Variants in MCTP1 observed in about 807,000 individuals in gnomAD.
MCTP1 encodes the protein multiple C2 and transmembrane domain-containing protein 1.
In MCTP1, 69 loss-of-function variants were observed where a neutral mutation model predicts 120.6. That is an observed-to-expected ratio of 0.57 (90% CI 0.47 to 0.70). The LOEUF (loss-of-function observed/expected upper bound fraction) is 0.70. MCTP1 is among the 30% of genes least tolerant of loss of function. MCTP1 has a pLI of 0.00. For missense variants in MCTP1, 1,203 were observed against 1,248.8 expected (o/e 0.96, Z 0.55); for synonymous variants, 529 against 493.1 (o/e 1.07, Z -0.96).
chr5:95,193,848 T>C (rs1277466133), intron 1 of MCTP1, among the ~76,000 whole-genome samples: 1 of 152,170 alleles, frequency 6.6e-6, no homozygotes, highest in Non-Finnish European at 1.5e-5. Context: ...CTTATGTAAT[T>C]CCTACAAGAA....
Position 95,245,907 on chromosome 5 carries a change from A to G in MCTP1, c.720+37949T>C, listed in dbSNP as rs180922635. Reference sequence around the variant, plus strand: ...ATTCACCAAGGTTGAAATGAAGGAAAAAATGTTAAGCGCAGCCAGAGAGAA... The same window carrying G: ...ATTCACCAAGGTTGAAATGAAGGAAGAAATGTTAAGCGCAGCCAGAGAGAA... On this transcript the variant is annotated intron_variant, in intron 1 of 22. Transcript: ENST00000515393. Among the ~76,000 whole-genome samples the G allele has an allele frequency of 3.9e-3, 594 of 152,338 alleles. 4 individuals carry two copies. Among genetic ancestry groups the G allele is most frequent in the African/African-American group, 0.014 (565 of 41,578 alleles).
intron 3 of MCTP1, among the ~76,000 whole-genome samples, chr5:94,947,238 T>C (rs1819174349): frequency 6.6e-6 from 1 of 152,078 alleles, no homozygotes; most frequent in African/African-American, 2.4e-5. Context: ...CATAGGATTT[T>C]TCCCAGCCCC....
intron 1 of MCTP1, among the ~76,000 whole-genome samples, chr5:95,244,356 G>A (rs901318346): frequency 1.3e-5 from 2 of 152,206 alleles, no homozygotes; most frequent in Admixed American, 6.5e-5. Flanking sequence ...CACGGAGGAT[G>A]AGCCAAAGCA....
At chr5:95,004,577 C>T (rs1834317931) in intron 2 of MCTP1, among the ~76,000 whole-genome samples, 1 of 152,196 alleles carries the variant, frequency 6.6e-6, no homozygotes. Flanking sequence ...GGACATGGCA[C>T]CCTGCGTCCT....
intron 1 of MCTP1, among the ~76,000 whole-genome samples, chr5:95,101,502 A>G (rs1248672673): frequency 1.3e-5 from 2 of 152,224 alleles, no homozygotes; most frequent in Non-Finnish European, 2.9e-5. Flanking sequence ...CATCAACCTA[A>G]CGTGGATTCT....
At position 95,019,339 on chromosome 5, in the gene MCTP1, T is replaced by C. The variant is rs144133025; in HGVS notation, c.721-1855A>G. Among the ~76,000 whole-genome samples, 564 of 152,164 alleles carry C rather than the reference T, an allele frequency of 3.7e-3. 4 individuals are homozygous for C. The highest frequency in any genetic ancestry group is 4.6e-3 in the Non-Finnish European group (311 of 67,950). On this transcript the variant is annotated intron_variant, in intron 1 of 22. Transcript: ENST00000515393. ...TACAATTCAGTACTGTTAACCATAG[T>C]CACCACGCTGTGTATTGGATCCCCT... is the stretch of plus-strand genomic sequence containing the variant.
At chr5:94,906,434 C>T (rs1195801388) in intron 10 of MCTP1, among the ~76,000 whole-genome samples, 3 of 151,938 alleles carry the variant, frequency 2.0e-5, no homozygotes, top group Non-Finnish European at 4.4e-5. Flanking sequence ...TGCAGTGAGC[C>T]GAGGTCGCAC....
chr5:94,998,129 T>C (rs1832962589), intron 2 of MCTP1, among the ~76,000 whole-genome samples: 1 of 152,194 alleles, frequency 6.6e-6, no homozygotes, highest in Non-Finnish European at 1.5e-5. Flanking sequence ...GGTGTATTTT[T>C]ATGCTTTGTT....
intron 3 of MCTP1, among the ~76,000 whole-genome samples, chr5:94,943,734 AG>A (rs1402155803): frequency 6.6e-6 from 1 of 152,104 alleles, no homozygotes; most frequent in Non-Finnish European, 1.5e-5. Flanking sequence ...GAGAGAACGA[AG>A]AGAAAGTAAG....
chr5:94,799,797 A>G (rs765850371), intron 17 of MCTP1, among the ~76,000 whole-genome samples: 6 of 152,166 alleles, frequency 3.9e-5, no homozygotes, highest in Non-Finnish European at 8.8e-5. Context: ...AAGTATATAA[A>G]CTTTTTCATT....
chr5:94,729,060 G>C (rs1762641471), intron 19 of MCTP1, among the ~76,000 whole-genome samples: 1 of 152,150 alleles, frequency 6.6e-6, no homozygotes, highest in Admixed American at 6.5e-5. Flanking sequence ...GACCTGAAAT[G>C]GGTACATGGG....
intron 18 of MCTP1, among the ~76,000 whole-genome samples, chr5:94,795,754 A>G (rs947331169): frequency 3.3e-5 from 5 of 152,256 alleles, no homozygotes; most frequent in African/African-American, 1.2e-4. Flanking sequence ...ACTAGGAAAC[A>G]GCAGAGGTGA....
intron 1 of MCTP1, among the ~76,000 whole-genome samples, chr5:95,138,971 T>C (rs1010812895): frequency 1.3e-5 from 2 of 152,180 alleles, no homozygotes; most frequent in Non-Finnish European, 2.9e-5. Flanking sequence ...TATACACACA[T>C]ACACACACAC....
chr5:94,802,053 AAAGACACAG>A (rs1423163186), intron 17 of MCTP1, among the ~76,000 whole-genome samples: 1 of 152,230 alleles, frequency 6.6e-6, no homozygotes, highest in African/African-American at 2.4e-5. Flanking sequence ...TGGATTGGAG[AAAGACACAG>A]AAGACAGAGA....
chr5:95,254,735 T>C lies in MCTP1; in HGVS notation c.720+29121A>G, dbSNP rs561672666. The stretch of plus-strand genomic sequence containing the variant: ...CCAAGTTAATCCTCTCTATGTACTA[T>C]ATAGATATACTAGAGGCAGAAGAGA... On this transcript the variant is annotated intron_variant, in intron 1 of 22. Coordinates refer to ENST00000515393, the MANE Select transcript of MCTP1 (RefSeq NM_024717.7). Among the ~76,000 whole-genome samples the C allele has an allele frequency of 6.8e-4, 103 of 152,196 alleles. 1 individual carries two copies. The highest frequency in any genetic ancestry group is 1.7e-3 in the Admixed American group (26 of 15,256).
At chr5:94,739,211 C>A (rs1253019967) in intron 19 of MCTP1, 1 of 152,176 alleles carries the variant, frequency 6.6e-6, no homozygotes, top group Non-Finnish European at 1.5e-5. Context: ...TATCGATCTT[C>A]AAAATACATC....
chr5:94,910,631 G>C (rs1941721876), intron 9 of MCTP1, among the ~76,000 whole-genome samples: 2 of 152,174 alleles, frequency 1.3e-5, no homozygotes, highest in African/African-American at 4.8e-5. Flanking sequence ...AGCAAAGAGA[G>C]ACACATGTCC....
intron 19 of MCTP1, among the ~76,000 whole-genome samples, chr5:94,755,438 C>T (rs1342202510): frequency 6.6e-6 from 1 of 152,186 alleles, no homozygotes; most frequent in African/African-American, 2.4e-5. Flanking sequence ...CAGAATCAAA[C>T]CAGCTCTCAA....
chr5:95,084,044 T>A lies in MCTP1; in HGVS notation c.721-66560A>T, dbSNP rs558184931. Among the ~76,000 whole-genome samples the A allele has an allele frequency of 7.9e-5, 12 of 152,242 alleles. No individual in the cohort carries two copies. The South Asian group carries it at 2.5e-3, about 32-fold the overall frequency. On this transcript the variant is annotated intron_variant, in intron 1 of 22. Coordinates refer to ENST00000515393, the MANE Select transcript of MCTP1 (RefSeq NM_024717.7). ...AGTATATACATTTTTTATATGCATA[T>A]TCACAGAAAAGGGCCCAGAAAACTG... is the stretch of plus-strand genomic sequence containing the variant.
Sources: gnomAD v4.1 joint callset for allele counts (sites outside exome capture counted in the v4.1 genomes callset) on GRCh38, gnomAD v4.1.1 for gene constraint, MANE v1.5 for transcripts, NCBI Gene and HGNC (gene_info 2026-07-23, HGNC 2026-07-21) for gene names.